SLC45A1: variants seen among roughly 807,000 people sequenced by gnomAD.
The protein encoded by SLC45A1 is solute carrier family 45 member 1.
A neutral mutation model predicts 57.6 loss-of-function variants in SLC45A1; 28 were observed. The observed-to-expected ratio is 0.49, with a 90% CI of 0.36 to 0.67. The LOEUF (loss-of-function observed/expected upper bound fraction) is 0.67, where lower values mean the gene tolerates loss of function less well. Ranked by LOEUF, SLC45A1 falls within the 30% of genes least tolerant of loss-of-function variation. The probability of loss-of-function intolerance (pLI) is 0.00; values close to 1 mark genes in which losing one functional copy is unlikely to be tolerated. For synonymous variants in SLC45A1, 459 were observed against 471.5 expected (o/e 0.97, Z 0.34); for missense variants, 814 against 1,041.5 (o/e 0.78, Z 3.01).
chr1:8,337,736 C>T, intron 6 of SLC45A1, 80 bp from the exon 7 acceptor site: 1 of 1,338,584 alleles, frequency 7.5e-7, no homozygotes. Context: ...CTTTTATAAC[C>T]AGTAGACGCA....
At chr1:8,321,903 GTGGA>G (rs1210033380) in intron 1 of SLC45A1, among the ~76,000 whole-genome samples, 5 of 148,432 alleles carry the variant, frequency 3.4e-5, no homozygotes, top group South Asian at 2.2e-4. Context: ...GGATGGGTGG[GTGGA>G]TGGATGGATG....
rs764805224 is a variant in SLC45A1, at chr1:8,325,409, G to GAAAT, written c.490+23_490+26dup. 2.0e-6 allele frequency: 3 copies of GAAAT among 1,523,772 alleles called. No individual in the cohort carries two copies. In the East Asian group the frequency reaches 6.8e-5, roughly 34 times the overall value. The allele number at this position is 1,523,772 out of a possible 1,614,324, so 94.4% of individuals were successfully genotyped here. ...GCTATAGGTCTGTTGTTTTGGCATG[G>GAAAT]AAATAAAATGGAGAGGAAAAAAAAA... On this transcript the variant is annotated intron_variant, in intron 3 of 8. Coordinates refer to ENST00000471889, the MANE Select transcript of SLC45A1 (RefSeq NM_001080397.3). The surrounding 1 kb of genome is among the most constrained non-coding windows in gnomAD (Gnocchi z 6.3).
At chr1:8,340,287 C>T (rs372657041) in intron 8 of SLC45A1, among the ~76,000 whole-genome samples, 6 of 151,796 alleles carry the variant, frequency 4.0e-5, no homozygotes, top group East Asian at 3.9e-4. Context: ...CTCAGCCTCC[C>T]GAGTAACTGG....
At position 8,326,939 on chromosome 1, in the gene SLC45A1, T is replaced by C. The variant is rs1467136794; in HGVS notation, c.715+897T>C. On this transcript the variant is annotated intron_variant, in intron 4 of 8. Transcript: ENST00000471889. This position sits in a 1 kb window ranked among gnomAD's most constrained non-coding sequence, Gnocchi z 5.5. ...AGGTTGCAGTGAACTGAGATCGCAC[T>C]ATTGCACTCCAGCCTGGGCAACAAG... is the stretch of plus-strand genomic sequence containing the variant. Among the ~76,000 whole-genome samples the C allele has an allele frequency of 1.3e-5, 2 of 152,164 alleles. No individual in the cohort carries two copies. Among genetic ancestry groups the C allele is most frequent in the Non-Finnish European group, 1.5e-5 (1 of 68,034 alleles).
intron 6 of SLC45A1, 50 bp from the exon 7 acceptor site, chr1:8,337,766 A>C (rs763603847): frequency 9.7e-6 from 15 of 1,541,162 alleles, no homozygotes; most frequent in Non-Finnish European, 1.3e-5. Flanking sequence ...GAGAAAGGGC[A>C]GAGTGTTGGC....
At position 8,335,404 on chromosome 1, in the gene SLC45A1, G is replaced by A; in HGVS notation, c.1444-33G>A. On this transcript the variant is annotated intron_variant, in intron 5 of 8. Transcript: ENST00000471889. This position sits in a 1 kb window ranked among gnomAD's most constrained non-coding sequence, Gnocchi z 4.1. The stretch of plus-strand genomic sequence containing the variant: ...TCTGCGCTGTGTGATGGGGGTGCGG[G>A]GCTCTGATGAGGGGTTTGTGGGCTC... 4 of 1,554,968 alleles carry A rather than the reference G, an allele frequency of 2.6e-6. No homozygotes were observed. Among genetic ancestry groups the A allele is most frequent in the Non-Finnish European group, 3.5e-6 (4 of 1,155,796 alleles).
rs1640239358 is a variant in SLC45A1, at chr1:8,327,515, A to C, written c.715+1473A>C. On this transcript the variant is annotated intron_variant, in intron 4 of 8. Coordinates refer to ENST00000471889, the MANE Select transcript of SLC45A1 (RefSeq NM_001080397.3). This position sits in a 1 kb window ranked among gnomAD's most constrained non-coding sequence, Gnocchi z 4.3. ...TGCTTAGTTATCAATGTACTGTATA[A>C]AAATCAATACTGGTTGGGTGCAGTG... 6.6e-6 allele frequency among the ~76,000 whole-genome samples: 1 copy of C among 152,194 alleles called. No individual in the cohort carries two copies. The highest frequency in any genetic ancestry group is 1.5e-5 in the Non-Finnish European group (1 of 68,034).
chr1:8,338,733 T>G (rs958226354), intron 7 of SLC45A1, among the ~76,000 whole-genome samples: 2 of 152,266 alleles, frequency 1.3e-5, no homozygotes, highest in Non-Finnish European at 2.9e-5. Flanking sequence ...TCATGTGATT[T>G]TCACGTGTCA....
At chr1:8,324,034 G>A (rs143024869) in intron 1 of SLC45A1, among the ~76,000 whole-genome samples, 1 of 152,296 alleles carries the variant, frequency 6.6e-6, no homozygotes, top group Non-Finnish European at 1.5e-5. Context: ...TCCTGACCGA[G>A]CCTCTGTTTG....
At chr1:8,339,126 C>T (rs1032859383) in intron 7 of SLC45A1, among the ~76,000 whole-genome samples, 11 of 152,212 alleles carry the variant, frequency 7.2e-5, no homozygotes, top group Non-Finnish European at 1.5e-4. Context: ...GTTGTACCCA[C>T]AATTACACAA....
In SLC45A1 at chr1:8,330,573, C is replaced by T. The variant is rs767970873; in HGVS notation, c.1080C>T (p.Gly360=). 1.2e-6 allele frequency: 2 copies of T among 1,613,364 alleles called. No individual in the cohort carries two copies. Among genetic ancestry groups the T allele is most frequent in the African/African-American group, 1.3e-5 (1 of 74,942 alleles). Residue 360 remains glycine, a synonymous_variant, in exon 5 of 9, where the codon GGC becomes GGT. Coordinates refer to ENST00000471889, the MANE Select transcript of SLC45A1 (RefSeq NM_001080397.3). This position sits in a 1 kb window ranked among gnomAD's most constrained non-coding sequence, Gnocchi z 8.4. ...TCAGCAGGGACAGCTCCCTGACGGG[C>T]ATCAGCGAGTTCGCCTCATCCTTTG... The part of the protein sequence containing the change: ...SFISRDSSLT[G]ISEFASSFGT...
chr1:8,322,003 A>ATGAGTGGG, intron 1 of SLC45A1, among the ~76,000 whole-genome samples: 1 of 28,180 alleles, frequency 3.5e-5, no homozygotes, highest in African/African-American at 1.5e-4. Flanking sequence ...GGATGGATGG[A>ATGAGTGGG]TGGATGGATG....
Position 8,337,900 on chromosome 1 carries a change from A to C in SLC45A1, c.1682A>C (p.His561Pro), listed in dbSNP as rs753408599. 1 of 1,613,990 alleles carries C rather than the reference A, an allele frequency of 6.2e-7. No homozygotes were observed. Among genetic ancestry groups the C allele is most frequent in the South Asian group, 1.1e-5 (1 of 91,076 alleles). ...TTTCAGGGGGACCCCAAGGCCCCGC[A>C]CACATCAGAGGCGTATCAGAAGTAC... Reference protein sequence around the residue: ...VVFQGDPKAPHTSEAYQKYNS... With the variant: ...VVFQGDPKAPPTSEAYQKYNS... The change falls in exon 7 of 9, where the codon CAC becomes CCC. Residue 561 changes from histidine to proline, a missense_variant. His to Pro is a moderately conservative substitution (Grantham distance 77). Coordinates refer to ENST00000471889, the MANE Select transcript of SLC45A1 (RefSeq NM_001080397.3).
chr1:8,342,792 G>A (rs772473782), intron 8 of SLC45A1, among the ~76,000 whole-genome samples: 1 of 105,104 alleles, frequency 9.5e-6, no homozygotes, highest in East Asian at 2.3e-4. Flanking sequence ...CCAGCTACTC[G>A]GGAGGCTGAG....
chr1:8,335,502 GGAGCAGCCTCTGTCC>G lies in SLC45A1; in HGVS notation c.1511_1525del (p.Glu504_Ser508del). On this transcript the variant is annotated inframe_deletion, in exon 6 of 9. Coordinates refer to ENST00000471889, the MANE Select transcript of SLC45A1 (RefSeq NM_001080397.3). The surrounding 1 kb of genome is among the most constrained non-coding windows in gnomAD (Gnocchi z 4.1). ...AGCTGACGGGCTCCAGCGAGCGCGCGGAGCAGCCTCTGTCCGTGGGGCGCCTCTGCTCCACCATCT... is the reference window on the plus strand; with the variant it reads ...AGCTGACGGGCTCCAGCGAGCGCGCGGTGGGGCGCCTCTGCTCCACCATCT... 6.2e-7 allele frequency: 1 copy of G among 1,603,712 alleles called. No individual in the cohort carries two copies. Among genetic ancestry groups the G allele is most frequent in the Non-Finnish European group, 8.5e-7 (1 of 1,179,748 alleles).
rs1219756981 is a variant in SLC45A1, at chr1:8,326,548, A to G, written c.715+506A>G. The stretch of plus-strand genomic sequence containing the variant: ...AGCCTGAACGAAGCGTCACTGTCGC[A>G]TGCATTTTCTGCACAAGGCACATCC... On this transcript the variant is annotated intron_variant, in intron 4 of 8. Transcript: ENST00000471889. This position sits in a 1 kb window ranked among gnomAD's most constrained non-coding sequence, Gnocchi z 5.5. Among the ~76,000 whole-genome samples the G allele has an allele frequency of 1.3e-5, 2 of 152,208 alleles. No homozygotes were observed. The highest frequency in any genetic ancestry group is 1.3e-4 in the Admixed American group (2 of 15,284).
At position 8,335,210 on chromosome 1, in the gene SLC45A1, C is replaced by T. The variant is rs900594161; in HGVS notation, c.1444-227C>T. On this transcript the variant is annotated intron_variant, in intron 5 of 8. Coordinates refer to ENST00000471889, the MANE Select transcript of SLC45A1 (RefSeq NM_001080397.3). This position sits in a 1 kb window ranked among gnomAD's most constrained non-coding sequence, Gnocchi z 4.1. Reference sequence around the variant, plus strand: ...TCCTGTGGCCACACTGTGGGCACACCTGAAATGGAATTCTAGCCTTAGCTG... The same window carrying T: ...TCCTGTGGCCACACTGTGGGCACACTTGAAATGGAATTCTAGCCTTAGCTG... 2.6e-5 allele frequency among the ~76,000 whole-genome samples: 4 copies of T among 152,236 alleles called. No individual in the cohort carries two copies. The highest frequency in any genetic ancestry group is 2.0e-4 in the Admixed American group (3 of 15,286).
chr1:8,335,682 C>A lies in SLC45A1; in HGVS notation c.1597+92C>A, dbSNP rs1447956025. The A allele has an allele frequency of 5.1e-6, 7 of 1,383,088 alleles. No homozygotes were observed. In the African/African-American group the frequency reaches 7.3e-5, roughly 14 times the overall value. 85.7% of individuals were successfully genotyped at this position (1,383,088 alleles called of 1,614,324 possible). A position where few individuals can be genotyped will look rare whatever the true frequency, so the allele number is the denominator to read the frequency against. Reference sequence around the variant, plus strand: ...CCAGGATGCCCCTGAGCCTCCCTTCCCAGAACCTTTCTGAGTTCACCAGCC... The same window carrying A: ...CCAGGATGCCCCTGAGCCTCCCTTCACAGAACCTTTCTGAGTTCACCAGCC... On this transcript the variant is annotated intron_variant, in intron 6 of 8. Coordinates refer to ENST00000471889, the MANE Select transcript of SLC45A1 (RefSeq NM_001080397.3). This position sits in a 1 kb window ranked among gnomAD's most constrained non-coding sequence, Gnocchi z 4.1.
In SLC45A1 at chr1:8,335,371, G is replaced by A. The variant is rs1640571688; in HGVS notation, c.1444-66G>A. ...TTCCGAGAGCGCATTCCCCTGAGCA[G>A]AGCAGGGTCTGCGCTGTGTGATGGG... On this transcript the variant is annotated intron_variant, in intron 5 of 8. Coordinates refer to ENST00000471889, the MANE Select transcript of SLC45A1 (RefSeq NM_001080397.3). The surrounding 1 kb of genome is among the most constrained non-coding windows in gnomAD (Gnocchi z 4.1). The A allele has an allele frequency of 1.4e-6, 2 of 1,453,382 alleles. No individual in the cohort carries two copies. The highest frequency in any genetic ancestry group is 2.9e-5 in the African/African-American group (2 of 70,002). The allele number at this position is 1,453,382 out of a possible 1,614,324, so 90.0% of individuals were successfully genotyped here.
Sources: gnomAD v4.1 joint callset for allele counts (sites outside exome capture counted in the v4.1 genomes callset) on GRCh38, gnomAD v4.1.1 for gene constraint, Gnocchi (gnomAD v3.1) non-coding constraint, MANE v1.5 for transcripts, NCBI Gene and HGNC (gene_info 2026-07-23, HGNC 2026-07-21) for gene names.